STAG1: variants seen among roughly 807,000 people sequenced by gnomAD.
STAG1 encodes STAG1 cohesin complex component.
STAG1 carries 26 observed loss-of-function variants against 170.9 expected under a neutral mutation model. The observed-to-expected ratio is 0.15, with a 90% confidence interval of 0.11 to 0.21. STAG1 has a LOEUF of 0.21. STAG1 is among the 10% of genes least tolerant of loss of function. The pLI is 1.00. For missense variants in STAG1, 964 were observed against 1,509.5 expected (o/e 0.64, Z 5.99); for synonymous variants, 514 against 497.7 (o/e 1.03, Z -0.44).
At chr3:136,660,378 T>C (rs1451463051) in intron 1 of STAG1, among the ~76,000 whole-genome samples, 1 of 152,130 alleles carries the variant, frequency 6.6e-6, no homozygotes, top group Non-Finnish European at 1.5e-5. Context: ...TAATAAAATT[T>C]AGCAATCTTA....
At chr3:136,485,522 A>C (rs1424800870) in intron 9 of STAG1, among the ~76,000 whole-genome samples, 1 of 152,210 alleles carries the variant, frequency 6.6e-6, no homozygotes, top group Non-Finnish European at 1.5e-5. Flanking sequence ...AATACTGAAC[A>C]TGCGTGGGAC....
intron 1 of STAG1, among the ~76,000 whole-genome samples, chr3:136,687,536 A>G (rs1942572525): frequency 6.6e-6 from 1 of 152,172 alleles, no homozygotes. Context: ...AAGGTCCTAT[A>G]CAAAATCTGA....
At chr3:136,743,133 G>A (rs1042720545) in intron 1 of STAG1, among the ~76,000 whole-genome samples, 6 of 152,274 alleles carry the variant, frequency 3.9e-5, no homozygotes, top group Middle Eastern at 3.4e-3. Flanking sequence ...TTGGGAGGCC[G>A]AGAAGGGTGA....
At chr3:136,639,667 T>A (rs1012143054) in intron 1 of STAG1, among the ~76,000 whole-genome samples, 1 of 152,170 alleles carries the variant, frequency 6.6e-6, no homozygotes, top group Non-Finnish European at 1.5e-5. Context: ...CTTTTATAAA[T>A]ACAACAAAAC....
chr3:136,443,468 GAGTTA>G, intron 14 of STAG1, 64 bp from the exon 15 acceptor site: 1 of 1,131,294 alleles, frequency 8.8e-7, no homozygotes, highest in Non-Finnish European at 1.3e-6. Flanking sequence ...ATACTAATTT[GAGTTA>G]AGAAATCATT....
At chr3:136,703,863 T>A (rs1943148650) in intron 1 of STAG1, among the ~76,000 whole-genome samples, 1 of 151,374 alleles carries the variant, frequency 6.6e-6, no homozygotes, top group Non-Finnish European at 1.5e-5. Flanking sequence ...TACAAAATAA[T>A]TAGCCAGGCA....
At chr3:136,657,262 C>T (rs1471459705) in intron 1 of STAG1, among the ~76,000 whole-genome samples, 3 of 139,654 alleles carry the variant, frequency 2.1e-5, no homozygotes, top group South Asian at 2.3e-4. Context: ...TGCAATGGCA[C>T]GATCTTGGCT....
rs750243645 is a variant in STAG1 at position 136,433,605 on chromosome 3, C to T, written c.1601G>A (p.Arg534His). 5 of 1,599,766 alleles carry T rather than the reference C, an allele frequency of 3.1e-6. No homozygotes were observed. Among genetic ancestry groups the T allele is most frequent in the Middle Eastern group, 1.7e-4 (1 of 6,024 alleles). Residue 534 changes from arginine (R) to histidine (H), a missense_variant, in exon 16 of 34, where the codon CGT (arginine) becomes CAT (histidine). Arg to His is a conservative substitution (Grantham distance 29). This residue lies in a region of STAG1 where 2 missense variants were observed against 18.1 expected (regional missense o/e 0.11). Transcript: ENST00000383202. ...ALIELMVCTI[R>H]QAAEAHPPVG... ...TGGAGGATGTGCCTCAGCAGCTTGA[C>T]GAATTGTACAAACCATTAGCTCTAT...
At chr3:136,518,483 G>C in intron 7 of STAG1, 1 of 669,800 alleles carries the variant, frequency 1.5e-6, no homozygotes, top group East Asian at 2.8e-5. Context: ...AAAATAAGAA[G>C]AGGGCAAAGA....
At chr3:136,711,902 T>C (rs944031791) in intron 1 of STAG1, among the ~76,000 whole-genome samples, 1 of 152,180 alleles carries the variant, frequency 6.6e-6, no homozygotes, top group East Asian at 1.9e-4. Context: ...ATAAAATTTA[T>C]AGATGATGTG....
chr3:136,608,582 G>A (rs1216917310), intron 3 of STAG1, among the ~76,000 whole-genome samples: 1 of 147,316 alleles, frequency 6.8e-6, no homozygotes, highest in African/African-American at 2.5e-5. Context: ...GGGTAGACAA[G>A]GTAGGGAGGA....
intron 5 of STAG1, among the ~76,000 whole-genome samples, chr3:136,551,216 A>T (rs71630056): frequency 0.069 from 5,589 of 81,162 alleles, 258 homozygotes; most frequent in Non-Finnish European, 0.11. Context: ...AGTGAGAGAG[A>T]GAGAGAGAGA....
At chr3:136,513,154 G>C (rs937930970) in intron 7 of STAG1, among the ~76,000 whole-genome samples, 1 of 152,042 alleles carries the variant, frequency 6.6e-6, no homozygotes, top group Admixed American at 6.6e-5. Context: ...TCAGGAGTTC[G>C]AGACCAACTG....
At chr3:136,561,695 T>C (rs1029264149) in intron 5 of STAG1, among the ~76,000 whole-genome samples, 14 of 152,332 alleles carry the variant, frequency 9.2e-5, no homozygotes, top group African/African-American at 3.1e-4. Context: ...ATTGTCCAAA[T>C]GTGTTGGCTT....
In STAG1 at chr3:136,502,605, TC is replaced by T. The variant is rs1431540785; in HGVS notation, c.828+22del. On this transcript the variant is annotated intron_variant, in intron 8 of 33. Transcript: ENST00000383202. ...TTCCACACATTTACAGAACATAAAATCATCAGTTCCCATGAAACTTACCTCT... is the reference window on the plus strand; with the variant it reads ...TTCCACACATTTACAGAACATAAAATATCAGTTCCCATGAAACTTACCTCT... The T allele has an allele frequency of 1.9e-6, 3 of 1,608,070 alleles. No individual in the cohort carries two copies. The Admixed American group carries it at 5.1e-5, about 27-fold the overall frequency.
intron 5 of STAG1, among the ~76,000 whole-genome samples, chr3:136,552,057 T>C (rs970082708): frequency 1.3e-5 from 2 of 152,158 alleles, no homozygotes; most frequent in African/African-American, 4.8e-5. Flanking sequence ...CCATCAGGAT[T>C]ACTTGTGGTT....
chr3:136,577,850 C>T (rs889328502), intron 4 of STAG1, among the ~76,000 whole-genome samples: 7 of 152,178 alleles, frequency 4.6e-5, no homozygotes, highest in Admixed American at 3.9e-4. Flanking sequence ...TGGTATCAGG[C>T]GCACTTACTA....
intron 4 of STAG1, among the ~76,000 whole-genome samples, chr3:136,573,013 A>G (rs1215905186): frequency 6.6e-6 from 1 of 152,066 alleles, no homozygotes; most frequent in Non-Finnish European, 1.5e-5. Flanking sequence ...CTCACTCTAC[A>G]AAACATTTTA....
intron 16 of STAG1, among the ~76,000 whole-genome samples, chr3:136,425,921 C>T (rs929025285): frequency 1.3e-5 from 2 of 151,386 alleles, no homozygotes; most frequent in African/African-American, 2.4e-5. Flanking sequence ...AAAAGCAGAA[C>T]AATAACCATT....
Sources: gnomAD v4.1 joint callset for allele counts (sites outside exome capture counted in the v4.1 genomes callset) on GRCh38, gnomAD v4.1.1 for gene constraint, gnomAD v4.1.1 regional missense constraint, MANE v1.5 for transcripts, NCBI Gene and HGNC (gene_info 2026-07-23, HGNC 2026-07-21) for gene names.